ZC3H12B: variants seen among roughly 807,000 people sequenced by gnomAD.
The protein encoded by ZC3H12B is probable ribonuclease ZC3H12B.
Under a neutral mutation model 43.9 loss-of-function variants are expected in ZC3H12B, and 7 were observed. The observed-to-expected ratio is 0.16, with a 90% CI of 0.09 to 0.30. The LOEUF (loss-of-function observed/expected upper bound fraction) is 0.30. Ranked by LOEUF, ZC3H12B falls within the 10% of genes least tolerant of loss-of-function variation. The pLI is 1.00. For synonymous variants in ZC3H12B, 222 were observed against 241.7 expected (o/e 0.92, Z 0.76); for missense variants, 475 against 670.2 (o/e 0.71, Z 3.22).
the ZC3H12B span, among the ~76,000 whole-genome samples, chrX:65,112,810 G>T: frequency 9.0e-6 from 1 of 111,712 alleles, no homozygotes; most frequent in Non-Finnish European, 1.9e-5. Context: ...GATTAATGTT[G>T]TTTTCATGCT....
chrX:65,215,298 C>T, the ZC3H12B span, among the ~76,000 whole-genome samples: 1 of 111,726 alleles, frequency 9.0e-6, no homozygotes, highest in Middle Eastern at 4.6e-3. Context: ...CTGTGAAAGT[C>T]GTCGATGGCA....
At chrX:65,203,529 G>T in the ZC3H12B span, among the ~76,000 whole-genome samples, 2 of 109,929 alleles carry the variant, frequency 1.8e-5, no homozygotes, top group Non-Finnish European at 3.8e-5. Flanking sequence ...TGTCATCTAG[G>T]ATTTGGGGCC....
chrX:65,442,280 T>C (rs1226638435), intron 3 of ZC3H12B, among the ~76,000 whole-genome samples: 1 of 110,320 alleles, frequency 9.1e-6, no homozygotes, highest in Non-Finnish European at 1.9e-5. Context: ...TGTCGAAAGC[T>C]AATAACTGCA....
At chrX:65,328,618 A>G in the ZC3H12B span, 2 of 157,568 alleles carry the variant, frequency 1.3e-5, no homozygotes, top group African/African-American at 3.3e-5. Context: ...GGTTTGTTAC[A>G]TATGTATACA....
At chrX:65,223,929 G>C in the ZC3H12B span, among the ~76,000 whole-genome samples, 8 of 112,301 alleles carry the variant, frequency 7.1e-5, no homozygotes, top group African/African-American at 2.6e-4. Flanking sequence ...TCTACCATTT[G>C]ATCCAGCAAT....
chrX:65,354,023 G>T, the ZC3H12B span, among the ~76,000 whole-genome samples: 1 of 111,562 alleles, frequency 9.0e-6, no homozygotes, highest in East Asian at 2.8e-4. Flanking sequence ...GGGAAGGGGC[G>T]GTTGTGGGCG....
At chrX:65,371,585 G>A (rs185923774) in intron 2 of ZC3H12B, among the ~76,000 whole-genome samples, 14 of 112,039 alleles carry the variant, frequency 1.2e-4, no homozygotes, top group Non-Finnish European at 2.3e-4. Context: ...TAAGGACAAT[G>A]TTTTATATTC....
At chrX:65,469,363 G>A (rs2067874435) in intron 3 of ZC3H12B, 4 of 407,463 alleles carry the variant, frequency 9.8e-6, no homozygotes, top group Non-Finnish European at 1.8e-5. Context: ...AATGCCAAAG[G>A]CAGCATTTTG....
the ZC3H12B span, among the ~76,000 whole-genome samples, chrX:65,196,449 A>T: frequency 4.5e-5 from 5 of 111,364 alleles, no homozygotes; most frequent in Non-Finnish European, 9.4e-5. Context: ...ATGGGACAAC[A>T]GTTATTAGCG....
chrX:65,191,930 G>C, the ZC3H12B span, among the ~76,000 whole-genome samples: 1 of 103,183 alleles, frequency 9.7e-6, no homozygotes, highest in Admixed American at 1.1e-4. Flanking sequence ...TTTCTCTTGT[G>C]GGCATTTAGT....
the ZC3H12B span, among the ~76,000 whole-genome samples, chrX:65,299,532 AAG>A: frequency 8.9e-6 from 1 of 112,345 alleles, no homozygotes; most frequent in Non-Finnish European, 1.9e-5. Flanking sequence ...AATAGACAGA[AAG>A]AGGGGAGGTT....
At chrX:65,095,374 CT>C in the ZC3H12B span, among the ~76,000 whole-genome samples, 2 of 111,194 alleles carry the variant, frequency 1.8e-5, no homozygotes, top group Non-Finnish European at 3.8e-5. Flanking sequence ...AGATAAAAAG[CT>C]GAACAGACTG....
chrX:65,458,251 A>G (rs1238691903), intron 3 of ZC3H12B, among the ~76,000 whole-genome samples: 1 of 109,744 alleles, frequency 9.1e-6, no homozygotes, highest in Admixed American at 9.7e-5. Context: ...CTCCCACACA[A>G]TAATAATGGG....
At chrX:65,338,238 A>T in the ZC3H12B span, among the ~76,000 whole-genome samples, 2 of 111,473 alleles carry the variant, frequency 1.8e-5, no homozygotes, top group Non-Finnish European at 1.9e-5. Flanking sequence ...GTAATTATGT[A>T]CACAAACTGT....
the ZC3H12B span, among the ~76,000 whole-genome samples, chrX:65,291,706 A>T: frequency 8.9e-6 from 1 of 112,351 alleles, no homozygotes; most frequent in Non-Finnish European, 1.9e-5. Context: ...TGATAATTAA[A>T]TTCTAGATAT....
chrX:65,301,052 A>G, the ZC3H12B span, among the ~76,000 whole-genome samples: 2 of 111,833 alleles, frequency 1.8e-5, no homozygotes, highest in African/African-American at 6.5e-5. Flanking sequence ...AAAAGAAGAT[A>G]TACAAATGGC....
the ZC3H12B span, among the ~76,000 whole-genome samples, chrX:65,287,996 A>ATATATATATATATG: frequency 6.2e-4 from 66 of 106,457 alleles, no homozygotes; most frequent in African/African-American, 2.3e-3. Context: ...ATACATATAT[A>ATATATATATATATG]TATATATATA....
the ZC3H12B span, among the ~76,000 whole-genome samples, chrX:65,129,201 T>C: frequency 1.9e-5 from 2 of 106,790 alleles, no homozygotes; most frequent in Non-Finnish European, 3.8e-5. Flanking sequence ...TTTTTGAGTG[T>C]ATCTCTTTGT....
the ZC3H12B span, among the ~76,000 whole-genome samples, chrX:65,349,936 G>T: frequency 4.6e-4 from 51 of 111,970 alleles, no homozygotes; most frequent in African/African-American, 1.7e-3. Context: ...TGACAAAGAG[G>T]AGCTGGTACC....
Sources: allele counts gnomAD v4.1 joint callset (sites outside exome capture counted in the v4.1 genomes callset), GRCh38; gene constraint gnomAD v4.1.1; transcripts MANE v1.5; gene names NCBI Gene and HGNC (gene_info 2026-07-23, HGNC 2026-07-21).